KCNK10: variants seen among roughly 807,000 people sequenced by gnomAD.
KCNK10 encodes the protein potassium two pore domain channel subfamily K member 10.
In KCNK10, 25 loss-of-function variants were observed where a neutral mutation model predicts 47.7. That is an observed-to-expected ratio of 0.52 (90% CI 0.38 to 0.73). The LOEUF is 0.73. Among genes scored for constraint, KCNK10 ranks in the 30% least tolerant of loss-of-function variants. The pLI is 0.00. For synonymous variants in KCNK10, 303 were observed against 285.6 expected, an observed-to-expected ratio of 1.06 and a Z score of -0.61; for missense variants, 563 against 714.5, an observed-to-expected ratio of 0.79 and a Z score of 2.42.
At chr14:88,204,035 A>C (rs1382948658) in intron 4 of KCNK10, among the ~76,000 whole-genome samples, 1 of 152,214 alleles carries the variant, frequency 6.6e-6, no homozygotes, top group Non-Finnish European at 1.5e-5. Flanking sequence ...CTTTGGACAA[A>C]GGATATTTAC....
chr14:88,246,988 T>TA (rs1261208902), intron 2 of KCNK10, among the ~76,000 whole-genome samples: 1 of 152,098 alleles, frequency 6.6e-6, no homozygotes, highest in East Asian at 1.9e-4. Flanking sequence ...GAGGACCTAG[T>TA]ACAGTGGGCA....
chr14:88,200,512 A>G (rs1014899680), intron 4 of KCNK10, among the ~76,000 whole-genome samples: 1 of 152,232 alleles, frequency 6.6e-6, no homozygotes, highest in African/African-American at 2.4e-5. Flanking sequence ...AGGGATATGC[A>G]TGAACTTTCT....
intron 4 of KCNK10, among the ~76,000 whole-genome samples, chr14:88,198,168 A>G (rs1326526308): frequency 6.6e-6 from 1 of 152,226 alleles, no homozygotes; most frequent in African/African-American, 2.4e-5. Context: ...TTTGTCAGTC[A>G]GGCATTCAGA....
intron 1 of KCNK10, among the ~76,000 whole-genome samples, chr14:88,295,301 A>T (rs1887963829): frequency 6.6e-6 from 1 of 152,218 alleles, no homozygotes; most frequent in Admixed American, 6.5e-5. Flanking sequence ...CACCTTGGAC[A>T]TTTGAAAGCT....
intron 4 of KCNK10, among the ~76,000 whole-genome samples, chr14:88,200,125 C>T (rs909792907): frequency 7.4e-5 from 11 of 148,184 alleles, no homozygotes; most frequent in South Asian, 2.1e-4. Flanking sequence ...ATATTTATCT[C>T]TCTTTCTTTC....
At chr14:88,208,784 G>A (rs1037746910) in intron 4 of KCNK10, among the ~76,000 whole-genome samples, 1 of 152,056 alleles carries the variant, frequency 6.6e-6, no homozygotes, top group African/African-American at 2.4e-5. Flanking sequence ...AATTGCTCAA[G>A]CTAATCTGCA....
chr14:88,221,541 G>A (rs893952353), intron 4 of KCNK10, among the ~76,000 whole-genome samples: 11 of 152,048 alleles, frequency 7.2e-5, no homozygotes, highest in South Asian at 2.1e-4. Flanking sequence ...TCAGAACACC[G>A]ACAACAGCAA....
chr14:88,226,846 C>T (rs1467298125), intron 4 of KCNK10, among the ~76,000 whole-genome samples: 1 of 152,134 alleles, frequency 6.6e-6, no homozygotes, highest in African/African-American at 2.4e-5. Context: ...CATCAGGATG[C>T]CATTTCTGAG....
Position 88,260,958 on chromosome 14 carries a change from A to G in KCNK10, c.402+2244T>C, listed in dbSNP as rs1351545770. On this transcript the variant is annotated intron_variant, in intron 2 of 6. Transcript: ENST00000319231. This position sits in a 1 kb window ranked among gnomAD's most constrained non-coding sequence, Gnocchi z 4.5. ...TCCACGCTCTCTGACCCTGTCCTTCATTCAGGTCTCTGAGCTCTCTCATAA... is the reference window on the plus strand; with the variant it reads ...TCCACGCTCTCTGACCCTGTCCTTCGTTCAGGTCTCTGAGCTCTCTCATAA... 6.6e-6 allele frequency among the ~76,000 whole-genome samples: 1 copy of G among 152,212 alleles called. No homozygotes were observed. Among genetic ancestry groups the G allele is most frequent in the Non-Finnish European group, 1.5e-5 (1 of 68,038 alleles).
At chr14:88,315,272 G>A (rs536069355) in intron 1 of KCNK10, among the ~76,000 whole-genome samples, 3 of 152,196 alleles carry the variant, frequency 2.0e-5, no homozygotes, top group African/African-American at 7.2e-5. Flanking sequence ...TTCTTAGCCA[G>A]TAGAATCCAG....
intron 1 of KCNK10, among the ~76,000 whole-genome samples, chr14:88,300,933 T>C (rs1888079131): frequency 6.6e-6 from 1 of 152,234 alleles, no homozygotes; most frequent in Admixed American, 6.5e-5. Context: ...TTCTCTGTCT[T>C]CATCTGAGCA....
chr14:88,325,247 G>A (rs1419256486), upstream of KCNK10, among the ~76,000 whole-genome samples: 1 of 152,164 alleles, frequency 6.6e-6, no homozygotes, highest in Non-Finnish European at 1.5e-5. Flanking sequence ...CTCTTTAACT[G>A]TTCACGGACA....
At chr14:88,245,932 T>C (rs1377876712) in intron 2 of KCNK10, among the ~76,000 whole-genome samples, 2 of 152,188 alleles carry the variant, frequency 1.3e-5, no homozygotes, top group East Asian at 1.9e-4. Flanking sequence ...GGACTTCATC[T>C]GAGGGTACAA....
chr14:88,254,199 G>A (rs892434832), intron 2 of KCNK10, among the ~76,000 whole-genome samples: 9 of 152,182 alleles, frequency 5.9e-5, no homozygotes, highest in African/African-American at 1.9e-4. Flanking sequence ...GTGAGCCAAG[G>A]AAGAAGGCAG....
At chr14:88,269,418 C>G (rs116190243) in intron 1 of KCNK10, among the ~76,000 whole-genome samples, 1 of 152,134 alleles carries the variant, frequency 6.6e-6, no homozygotes, top group Non-Finnish European at 1.5e-5. Context: ...AGATCTTACA[C>G]GTGCATGAAG....
Position 88,235,321 on chromosome 14 carries a change from T to C in KCNK10, c.520+5382A>G, listed in dbSNP as rs147796857. On this transcript the variant is annotated intron_variant, in intron 3 of 6. Transcript: ENST00000319231. ...AAAAGAAGTTGACCCAGCATAAATA[T>C]AAAACTTCCATAAGAAAAAAAATGT... The C allele has an allele frequency of 4.3e-5, 19 of 437,038 alleles. No homozygotes were observed. In the East Asian group the frequency reaches 1.3e-3, roughly 29 times the overall value. The allele number at this position is 437,038 out of a possible 1,614,324, so 27.1% of individuals were successfully genotyped here. A position where few individuals can be genotyped will look rare whatever the true frequency, so the allele number is the denominator to read the frequency against.
At chr14:88,258,247 A>G (rs544044331) in intron 2 of KCNK10, among the ~76,000 whole-genome samples, 14 of 151,140 alleles carry the variant, frequency 9.3e-5, no homozygotes, top group South Asian at 8.4e-4. Flanking sequence ...GCCACATTCT[A>G]TTGATGAAGA....
chr14:88,185,705 C>T lies in KCNK10; in HGVS notation c.1462G>A (p.Glu488Lys), dbSNP rs975992605. Residue 488 changes from glutamate to lysine, a missense_variant, in exon 7 of 7, where the codon GAG becomes AAG. Physicochemically the swap from Glu to Lys is moderately conservative, Grantham distance 56. Coordinates refer to ENST00000319231, the MANE Select transcript of KCNK10 (RefSeq NM_138317.3). The surrounding 1 kb of genome is among the most constrained non-coding windows in gnomAD (Gnocchi z 4.3). ...TCCGTCTCCTCCTCTTTCTTCTCCT[C>T]GTCCAGGGAGTAATTCCGGAAGGTC... The part of the protein sequence containing the change: ...YKTFRNYSLD[E>K]EKKEEETEKM... 8.1e-6 allele frequency: 13 copies of T among 1,614,050 alleles called. No homozygotes were observed. The highest frequency in any genetic ancestry group is 6.7e-5 in the East Asian group (3 of 44,892).
intron 1 of KCNK10, among the ~76,000 whole-genome samples, chr14:88,307,313 G>A (rs756100851): frequency 7.0e-5 from 10 of 141,954 alleles, no homozygotes; most frequent in East Asian, 2.1e-4. Context: ...ATTATGTTAC[G>A]TGAAAGAAGC....
Sources: allele counts gnomAD v4.1 joint callset (sites outside exome capture counted in the v4.1 genomes callset), GRCh38; gene constraint gnomAD v4.1.1; non-coding constraint Gnocchi (gnomAD v3.1); transcripts MANE v1.5; gene names NCBI Gene and HGNC (gene_info 2026-07-23, HGNC 2026-07-21).